Variants in AHCYL2 observed in about 807,000 individuals in gnomAD.
The protein encoded by AHCYL2 is S-adenosylhomocysteine hydrolase-like protein 2.
In AHCYL2, 28 loss-of-function variants were observed where a neutral mutation model predicts 81.4. That is an observed-to-expected ratio of 0.34 (90% CI 0.25 to 0.47). The LOEUF (loss-of-function observed/expected upper bound fraction) is 0.47, where lower values mean the gene tolerates loss of function less well. Ranked by LOEUF, AHCYL2 falls within the 20% of genes least tolerant of loss-of-function variation. The pLI is 1.00. For synonymous variants in AHCYL2, 272 were observed against 290.2 expected (o/e 0.94, Z 0.64); for missense variants, 551 against 785.1 (o/e 0.70, Z 3.56).
chr7:129,339,002 A>G (rs553866065), intron 1 of AHCYL2, among the ~76,000 whole-genome samples: 4 of 152,306 alleles, frequency 2.6e-5, no homozygotes, highest in African/African-American at 9.6e-5. Flanking sequence ...AATAGAAGCT[A>G]TTAAGACTTT....
chr7:129,364,861 T>G lies in AHCYL2; in HGVS notation c.364-14777T>G, dbSNP rs192699884. ...AAGGACTAAAACCCTACTAAGGACT[T>G]CTCGTCAAATAAGTCATATAGGTGT... is the stretch of plus-strand genomic sequence containing the variant. On this transcript the variant is annotated intron_variant, in intron 1 of 16. Transcript: ENST00000325006. 3.3e-5 allele frequency among the ~76,000 whole-genome samples: 5 copies of G among 152,274 alleles called. No homozygotes were observed. The East Asian group carries it at 9.6e-4, about 29-fold the overall frequency.
intron 1 of AHCYL2, among the ~76,000 whole-genome samples, chr7:129,257,582 TTAATC>T (rs1173778100): frequency 1.3e-5 from 2 of 152,190 alleles, no homozygotes; most frequent in Non-Finnish European, 2.9e-5. Flanking sequence ...AGGATGGTAC[TTAATC>T]AGATTATGCA....
intron 1 of AHCYL2, among the ~76,000 whole-genome samples, chr7:129,379,079 G>A (rs1425532794): frequency 1.3e-5 from 2 of 151,914 alleles, no homozygotes; most frequent in African/African-American, 4.8e-5. Flanking sequence ...TCAGGAGTTC[G>A]AGACCAGCCT....
Position 129,419,294 on chromosome 7 carries a change from G to A in AHCYL2, c.1462-3546G>A, listed in dbSNP as rs192826819. Among the ~76,000 whole-genome samples, 7 of 152,256 alleles carry A rather than the reference G, an allele frequency of 4.6e-5. No homozygotes were observed. The highest frequency in any genetic ancestry group is 2.1e-4 in the South Asian group (1 of 4,818). On this transcript the variant is annotated intron_variant, in intron 12 of 16. Transcript: ENST00000325006. The surrounding 1 kb of genome is among the most constrained non-coding windows in gnomAD (Gnocchi z 4.7). ...CCTGCAGCCAGGTGTGGTGGCTCAC[G>A]CCTGTAATCCCAGCACTTTGGGAGG... is the stretch of plus-strand genomic sequence containing the variant.
At chr7:129,425,976 A>C (rs1257964314) in intron 15 of AHCYL2, among the ~76,000 whole-genome samples, 1 of 152,268 alleles carries the variant, frequency 6.6e-6, no homozygotes. Context: ...CATAAGAATT[A>C]AGAGTACTAA....
At chr7:129,225,477 A>C in intron 1 of AHCYL2, 38 bp downstream of exon 1, 2 of 1,470,288 alleles carry the variant, frequency 1.4e-6, no homozygotes, top group Non-Finnish European at 1.8e-6. Context: ...AGAGGAAGGG[A>C]GGGGAGGGGA....
intron 1 of AHCYL2, chr7:129,283,447 A>T (rs1370583476): frequency 2.2e-6 from 1 of 455,774 alleles, no homozygotes; most frequent in Admixed American, 2.4e-5. Flanking sequence ...TATACTTGTT[A>T]TTACATATTG....
At chr7:129,239,821 A>G (rs1794778874) in intron 1 of AHCYL2, among the ~76,000 whole-genome samples, 1 of 151,716 alleles carries the variant, frequency 6.6e-6, no homozygotes, top group Non-Finnish European at 1.5e-5. Flanking sequence ...CAGACTCCCT[A>G]CACACAGAGA....
chr7:129,312,616 T>C (rs1183829564), intron 1 of AHCYL2, among the ~76,000 whole-genome samples: 1 of 152,142 alleles, frequency 6.6e-6, no homozygotes, highest in Admixed American at 6.6e-5. Flanking sequence ...TAGTTTTTAG[T>C]CAGGAGGTCA....
At chr7:129,273,105 T>C (rs1420998712) in intron 1 of AHCYL2, among the ~76,000 whole-genome samples, 1 of 151,980 alleles carries the variant, frequency 6.6e-6, no homozygotes, top group Non-Finnish European at 1.5e-5. Flanking sequence ...TTTCACCATA[T>C]CAGCCAGGCT....
intron 5 of AHCYL2, 66 bp downstream of exon 5, chr7:129,397,390 G>A: frequency 1.4e-6 from 2 of 1,420,292 alleles, no homozygotes; most frequent in Non-Finnish European, 1.9e-6. Flanking sequence ...TTATGTTTCA[G>A]CATAAATCTT....
At chr7:129,413,151 T>TC (rs1241993465) in intron 11 of AHCYL2, among the ~76,000 whole-genome samples, 2 of 151,436 alleles carry the variant, frequency 1.3e-5, no homozygotes, top group Non-Finnish European at 2.9e-5. Context: ...CTGCTTTTTT[T>TC]TTTTTTTTGA....
chr7:129,365,630 A>G (rs796493412), intron 1 of AHCYL2, among the ~76,000 whole-genome samples: 2 of 144,666 alleles, frequency 1.4e-5, no homozygotes, highest in Admixed American at 7.0e-5. Flanking sequence ...AGGATAGAGT[A>G]TATATATATA....
intron 2 of AHCYL2, among the ~76,000 whole-genome samples, chr7:129,380,654 C>T (rs186816725): frequency 2.6e-5 from 4 of 152,276 alleles, no homozygotes; most frequent in African/African-American, 9.6e-5. Flanking sequence ...TTTCCCCCCA[C>T]AGTAACAGTG....
At chr7:129,423,708 C>A (rs1797224104) in intron 13 of AHCYL2, among the ~76,000 whole-genome samples, 1 of 151,750 alleles carries the variant, frequency 6.6e-6, no homozygotes, top group South Asian at 2.1e-4. Context: ...TATTAAAGAA[C>A]CTGAATATGA....
At chr7:129,251,713 T>TC (rs1166385662) in intron 1 of AHCYL2, among the ~76,000 whole-genome samples, 1 of 152,128 alleles carries the variant, frequency 6.6e-6, no homozygotes, top group Non-Finnish European at 1.5e-5. Context: ...TCAGTGATGC[T>TC]CCAGTAAGCA....
At chr7:129,294,741 G>A (rs1424935606) in intron 1 of AHCYL2, among the ~76,000 whole-genome samples, 3 of 152,134 alleles carry the variant, frequency 2.0e-5, no homozygotes, top group Non-Finnish European at 4.4e-5. Context: ...ACGTGTTAAG[G>A]AGATTGCAAT....
At chr7:129,377,454 C>A in intron 1 of AHCYL2, 1 of 446,768 alleles carries the variant, frequency 2.2e-6, no homozygotes, top group Non-Finnish European at 4.5e-6. Flanking sequence ...CTATGAATCC[C>A]CCTAAAAGGC....
chr7:129,408,282 A>T lies in AHCYL2; in HGVS notation c.1296-1194A>T, dbSNP rs184062015. ...CAATGAGATTGGGCCAGGGGTTACT[A>T]TAGTAATCTAGGCAAGAAGTAATAA... On this transcript the variant is annotated intron_variant, in intron 10 of 16. Transcript: ENST00000325006. Among the ~76,000 whole-genome samples, 9 of 152,344 alleles carry T rather than the reference A, an allele frequency of 5.9e-5. No individual in the cohort carries two copies. The East Asian group carries it at 1.7e-3, about 29-fold the overall frequency.
Sources: allele counts gnomAD v4.1 joint callset (sites outside exome capture counted in the v4.1 genomes callset), GRCh38; gene constraint gnomAD v4.1.1; non-coding constraint Gnocchi (gnomAD v3.1); transcripts MANE v1.5; gene names NCBI Gene and HGNC (gene_info 2026-07-23, HGNC 2026-07-21).